The following WDR43 variants were observed in gnomAD, a reference collection of about 807,000 sequenced individuals.
WDR43 encodes the protein WD repeat domain 43.
In WDR43, 13 loss-of-function variants were observed where a neutral mutation model predicts 91.4. That is an observed-to-expected ratio of 0.14 (90% CI 0.09 to 0.23). The LOEUF is 0.23. Among genes scored for constraint, WDR43 ranks in the 10% least tolerant of loss-of-function variants. WDR43 has a pLI of 1.00. For missense variants in WDR43, 780 were observed against 809.4 expected, an observed-to-expected ratio of 0.96 and a Z score of 0.44; for synonymous variants, 331 against 287.9, an observed-to-expected ratio of 1.15 and a Z score of -1.51.
chr2:28,946,439 T>C lies in WDR43; in HGVS notation c.1805-11T>C. The C allele has an allele frequency of 6.2e-7, 1 of 1,605,542 alleles. No individual in the cohort carries two copies. The highest frequency in any genetic ancestry group is 1.1e-5 in the South Asian group (1 of 89,288). On this transcript the variant is annotated splice_polypyrimidine_tract_variant and intron_variant, in intron 16 of 17. Coordinates refer to ENST00000407426, the MANE Select transcript of WDR43 (RefSeq NM_015131.3). ...TCTAAAATTAAGGCTGGGTTCTTTC[T>C]CCCCTTACAGAGTCTTCTGAAGAGG...
intron 9 of WDR43, chr2:28,927,157 T>C (rs776629690): frequency 1.9e-6 from 1 of 519,680 alleles, no homozygotes; most frequent in African/African-American, 1.9e-5. Context: ...CTGGCAGAGA[T>C]TGAATTCTGG....
chr2:28,894,684 G>A lies in WDR43; in HGVS notation c.-15G>A, dbSNP rs1341412342. 1 of 1,545,840 alleles carries A rather than the reference G, an allele frequency of 6.5e-7. No homozygotes were observed. The highest frequency in any genetic ancestry group is 1.4e-5 in the African/African-American group (1 of 73,010). On this transcript the variant is annotated 5_prime_UTR_variant, in exon 1 of 18. Transcript: ENST00000407426. ...GCACGGACGAACACGTGGCTGCAGC[G>A]GGGCCAGAGCAGCAATGGCGGCGGG...
intron 5 of WDR43, among the ~76,000 whole-genome samples, chr2:28,917,596 G>A (rs1349313749): frequency 2.6e-5 from 4 of 152,206 alleles, no homozygotes; most frequent in Non-Finnish European, 5.9e-5. Context: ...AATCATGACA[G>A]TGTGGTATTA....
At chr2:28,910,661 G>C (rs923401559) in intron 3 of WDR43, among the ~76,000 whole-genome samples, 1 of 116,240 alleles carries the variant, frequency 8.6e-6, no homozygotes, top group Non-Finnish European at 1.9e-5. Context: ...TACAGATAAC[G>C]TGCGTGTGTG....
intron 12 of WDR43, chr2:28,935,838 A>G (rs942238921): frequency 5.9e-5 from 18 of 304,214 alleles, no homozygotes; most frequent in East Asian, 5.4e-4. Context: ...GCTAATGGCT[A>G]TTGTGTGTCT....
At chr2:28,936,339 A>G (rs563660132) in intron 12 of WDR43, among the ~76,000 whole-genome samples, 2 of 152,274 alleles carry the variant, frequency 1.3e-5, no homozygotes, top group South Asian at 4.1e-4. Flanking sequence ...CTGCTGAAGT[A>G]TTTTGCAAGT....
intron 6 of WDR43, among the ~76,000 whole-genome samples, chr2:28,920,964 AT>A (rs1387403023): frequency 1.3e-5 from 2 of 152,008 alleles, no homozygotes; most frequent in African/African-American, 4.8e-5. Context: ...GGTGTGAGCC[AT>A]TGTGCCTGGG....
Position 28,929,639 on chromosome 2 carries a change from G to C in WDR43, c.1366G>C (p.Asp456His), listed in dbSNP as rs1174306514. The C allele has an allele frequency of 4.3e-6, 7 of 1,613,652 alleles. No individual in the cohort carries two copies. The highest frequency in any genetic ancestry group is 1.3e-5 in the African/African-American group (1 of 74,904). ...AGACACACACAAAAAAGGAAAGGAA[G>C]ACCTCCAGACGAATAGCTTTCCAGT... ...DIDTHKKGKEDLQTNSFPVLL... is the reference protein window; with the variant it reads ...DIDTHKKGKEHLQTNSFPVLL... The change falls in exon 11 of 18, where the codon GAC (aspartate) becomes CAC (histidine). Residue 456 changes from aspartate to histidine, a missense_variant. By Grantham distance (81) the Asp-to-His change is moderately conservative (BLOSUM62 -1). Coordinates refer to ENST00000407426, the MANE Select transcript of WDR43 (RefSeq NM_015131.3).
intron 16 of WDR43, among the ~76,000 whole-genome samples, chr2:28,944,603 A>G (rs923563075): frequency 1.1e-4 from 16 of 152,254 alleles, no homozygotes. Flanking sequence ...TTCCTTTAGC[A>G]TAACACTACA....
At chr2:28,925,588 A>G (rs1475297875) in intron 8 of WDR43, among the ~76,000 whole-genome samples, 1 of 152,198 alleles carries the variant, frequency 6.6e-6, no homozygotes, top group Non-Finnish European at 1.5e-5. Context: ...CACTCATTGG[A>G]TTTTCTAAGT....
chr2:28,895,797 T>C (rs1481750472), intron 1 of WDR43: 1 of 152,208 alleles, frequency 6.6e-6, no homozygotes, highest in East Asian at 1.9e-4. Context: ...CACGTGGTTA[T>C]TGCGTTTACA....
intron 1 of WDR43, among the ~76,000 whole-genome samples, chr2:28,897,055 A>G (rs2148175610): frequency 6.6e-6 from 1 of 152,150 alleles, no homozygotes; most frequent in Non-Finnish European, 1.5e-5. Context: ...CTCTAGAGTC[A>G]TGGTGCCCCG....
At chr2:28,927,453 A>T in intron 9 of WDR43, 116 bp from the exon 10 acceptor site, 3 of 1,190,920 alleles carry the variant, frequency 2.5e-6, no homozygotes, top group Non-Finnish European at 3.5e-6. Context: ...ATATCAAGTT[A>T]ATTATATTGC....
In WDR43 at chr2:28,922,863, A is replaced by T. The variant is rs184560977; in HGVS notation, c.850-56A>T. The T allele has an allele frequency of 1.9e-3, 2,524 of 1,308,892 alleles. 4 individuals are homozygous for T. The highest frequency in any genetic ancestry group is 2.4e-3 in the Non-Finnish European group (2,318 of 974,514). 81.1% of individuals were successfully genotyped at this position (1,308,892 alleles called of 1,614,324 possible). On this transcript the variant is annotated intron_variant, in intron 6 of 17. Coordinates refer to ENST00000407426, the MANE Select transcript of WDR43 (RefSeq NM_015131.3). The stretch of plus-strand genomic sequence containing the variant: ...GGACAGCTGAGTTTTCATAAGGTAG[A>T]TTGGGGACTGGAGTATGTTATCCAT...
chr2:28,900,964 A>G (rs1053313658), intron 1 of WDR43, among the ~76,000 whole-genome samples: 2 of 152,202 alleles, frequency 1.3e-5, no homozygotes, highest in Admixed American at 1.3e-4. Context: ...CTACTCCCTG[A>G]CACTCTTTAT....
At position 28,942,384 on chromosome 2, in the gene WDR43, A is replaced by G. The variant is rs996908959; in HGVS notation, c.1804+3A>G. On this transcript the variant is annotated splice_donor_region_variant and intron_variant, in intron 16 of 17. Transcript: ENST00000407426. ...GGCAAAGTTGGTGTATGAAGAAGGT[A>G]AAGACTGGGGGAATGGGATGGAGTC... The G allele has an allele frequency of 6.2e-7, 1 of 1,611,360 alleles. No individual in the cohort carries two copies. The highest frequency in any genetic ancestry group is 1.3e-5 in the African/African-American group (1 of 74,916).
Position 28,941,553 on chromosome 2 carries a change from G to A in WDR43, c.1713G>A (p.Lys571=). The change falls in exon 15 of 18, where the codon AAG becomes AAA. Residue 571 remains lysine (K), a synonymous_variant. Coordinates refer to ENST00000407426, the MANE Select transcript of WDR43 (RefSeq NM_015131.3). ...TFQKLSHLHG[K]LILLITQVTA... is the part of the protein sequence containing the mutation. ...AGAAACTTTCACACCTTCATGGAAA[G>A]CTTATTCTTCTAATTACACAAGTGA... The A allele has an allele frequency of 6.2e-7, 1 of 1,612,098 alleles. No homozygotes were observed. Among genetic ancestry groups the A allele is most frequent in the Non-Finnish European group, 8.5e-7 (1 of 1,178,948 alleles).
intron 12 of WDR43, chr2:28,935,889 G>T: frequency 3.9e-6 from 1 of 258,904 alleles, no homozygotes; most frequent in South Asian, 1.2e-4. Flanking sequence ...ACAGAATGCT[G>T]TATGTACAGG....
chr2:28,924,487 A>T (rs1671092962), intron 7 of WDR43, among the ~76,000 whole-genome samples: 1 of 152,138 alleles, frequency 6.6e-6, no homozygotes, highest in Admixed American at 6.5e-5. Context: ...ATGGGAGAGA[A>T]AACAGGTACA....
Sources: allele counts gnomAD v4.1 joint callset (sites outside exome capture counted in the v4.1 genomes callset), GRCh38; gene constraint gnomAD v4.1.1; transcripts MANE v1.5; gene names NCBI Gene and HGNC (gene_info 2026-07-23, HGNC 2026-07-21).